The following TRAF3IP1 variants were observed in gnomAD, a reference collection of about 807,000 sequenced individuals.
TRAF3IP1 encodes the protein TRAF3-interacting protein 1.
A neutral mutation model predicts 89.9 loss-of-function variants in TRAF3IP1; 53 were observed. The ratio of observed to expected loss-of-function variants is 0.59; its 90% CI spans 0.47 to 0.74. TRAF3IP1 has a LOEUF of 0.74. TRAF3IP1 is among the 30% of genes least tolerant of loss of function. The probability of loss-of-function intolerance (pLI) is 0.00; values close to 1 mark genes in which losing one functional copy is unlikely to be tolerated. For missense variants in TRAF3IP1, 806 were observed against 866.1 expected, an observed-to-expected ratio of 0.93 and a Z score of 0.87; for synonymous variants, 311 against 322.1, an observed-to-expected ratio of 0.97 and a Z score of 0.37.
intron 15 of TRAF3IP1, among the ~76,000 whole-genome samples, chr2:238,380,039 GA>G (rs2106362838): frequency 6.6e-6 from 1 of 152,302 alleles, no homozygotes; most frequent in African/African-American, 2.4e-5. Context: ...CTAAAATGTA[GA>G]GAAAGTGAAC....
chr2:238,345,997 T>C lies in TRAF3IP1; in HGVS notation c.1261+1399T>C, dbSNP rs1287422860. Among the ~76,000 whole-genome samples the C allele has an allele frequency of 6.6e-6, 1 of 152,132 alleles. No homozygotes were observed. Among genetic ancestry groups the C allele is most frequent in the East Asian group, 1.9e-4 (1 of 5,188 alleles). ...TTCCTTCTGGGTATCGGCCTTGTGG[T>C]TGAATAACTGCACCTCTCAGGCACC... On this transcript the variant is annotated intron_variant, in intron 9 of 16. Transcript: ENST00000373327. This position sits in a 1 kb window ranked among gnomAD's most constrained non-coding sequence, Gnocchi z 4.7.
At chr2:238,332,551 T>G (rs1456963071) in intron 5 of TRAF3IP1, among the ~76,000 whole-genome samples, 1 of 152,148 alleles carries the variant, frequency 6.6e-6, no homozygotes, top group Non-Finnish European at 1.5e-5. Context: ...ATTCGTGTTC[T>G]GTGTAGCTTC....
chr2:238,332,441 C>T (rs980612024), intron 5 of TRAF3IP1, among the ~76,000 whole-genome samples: 7 of 152,194 alleles, frequency 4.6e-5, no homozygotes, highest in Non-Finnish European at 8.8e-5. Flanking sequence ...AGCAGTTTCT[C>T]CGTGGGTGTT....
rs977328535 is a variant in TRAF3IP1, at chr2:238,351,771, C to T, written c.1452-1056C>T. On this transcript the variant is annotated intron_variant, in intron 12 of 16. Transcript: ENST00000373327. The surrounding 1 kb of genome is among the most constrained non-coding windows in gnomAD (Gnocchi z 5.2). The stretch of plus-strand genomic sequence containing the variant: ...GGCAATGGGTGTTATTTTCAGAGGT[C>T]GTTCCCAAGTGTCTACATTCCCTCT... Among the ~76,000 whole-genome samples the T allele has an allele frequency of 1.3e-5, 2 of 151,998 alleles. No homozygotes were observed. The highest frequency in any genetic ancestry group is 6.5e-5 in the Admixed American group (1 of 15,292).
In TRAF3IP1 at chr2:238,374,150, G is replaced by A. The variant is rs574280786; in HGVS notation, c.1689+18070G>A. 7.9e-5 allele frequency among the ~76,000 whole-genome samples: 12 copies of A among 152,156 alleles called. No homozygotes were observed. In the South Asian group the frequency reaches 1.7e-3, roughly 21 times the overall value. ...TTTCTCTTGCCTGATTGCCCTGGCC[G>A]GAACTTCCAACACTGTGTTGAATAG... On this transcript the variant is annotated intron_variant, in intron 15 of 16. Coordinates refer to ENST00000373327, the MANE Select transcript of TRAF3IP1 (RefSeq NM_015650.4).
At chr2:238,378,443 A>G (rs1294351718) in intron 15 of TRAF3IP1, among the ~76,000 whole-genome samples, 1 of 152,246 alleles carries the variant, frequency 6.6e-6, no homozygotes, top group Non-Finnish European at 1.5e-5. Flanking sequence ...GCAGCTGTTG[A>G]GATGTTCCTA....
intron 15 of TRAF3IP1, among the ~76,000 whole-genome samples, chr2:238,396,926 C>A (rs1373435225): frequency 6.6e-6 from 1 of 152,204 alleles, no homozygotes; most frequent in Non-Finnish European, 1.5e-5. Flanking sequence ...CCTGCACATT[C>A]TCCATGCCCT....
chr2:238,399,506 C>G lies in TRAF3IP1; in HGVS notation c.*587C>G, dbSNP rs1701380306. On this transcript the variant is annotated 3_prime_UTR_variant, in exon 17 of 17. Transcript: ENST00000373327. ...GACCTCTTTGTAATTGCATGTACTT[C>G]TCTATGTAATTTTCCTCTTGATCTC... The G allele has an allele frequency of 6.6e-6, 1 of 152,024 alleles. No individual in the cohort carries two copies. The highest frequency in any genetic ancestry group is 6.6e-5 in the Admixed American group (1 of 15,254). The allele number at this position is 152,024 out of a possible 1,614,324, so 9.4% of individuals were successfully genotyped here.
At chr2:238,391,884 T>A (rs1701007814) in intron 15 of TRAF3IP1, among the ~76,000 whole-genome samples, 1 of 152,234 alleles carries the variant, frequency 6.6e-6, no homozygotes, top group Non-Finnish European at 1.5e-5. Context: ...TAATAGAAGT[T>A]TGAATTTCTT....
chr2:238,387,610 G>A (rs773421255), intron 15 of TRAF3IP1, among the ~76,000 whole-genome samples: 3 of 152,048 alleles, frequency 2.0e-5, no homozygotes, highest in Non-Finnish European at 4.4e-5. Flanking sequence ...ATCTCTATTG[G>A]GACATATATA....
Position 238,400,799 on chromosome 2 carries a change from G to C in TRAF3IP1, c.*1880G>C, listed in dbSNP as rs1386590696. 1 of 152,178 alleles carries C rather than the reference G, an allele frequency of 6.6e-6. No individual in the cohort carries two copies. The highest frequency in any genetic ancestry group is 2.4e-5 in the African/African-American group (1 of 41,456). The allele number at this position is 152,178 out of a possible 1,614,324, so 9.4% of individuals were successfully genotyped here. A position where few individuals can be genotyped will look rare whatever the true frequency, so the allele number is the denominator to read the frequency against. ...TTGCCAAAAATTGCATACATTGTAT[G>C]TAAGTAAAATTTTTTATGAAGTAGT... On this transcript the variant is annotated 3_prime_UTR_variant, in exon 17 of 17. Coordinates refer to ENST00000373327, the MANE Select transcript of TRAF3IP1 (RefSeq NM_015650.4).
chr2:238,385,723 C>T (rs1327469951), intron 15 of TRAF3IP1, among the ~76,000 whole-genome samples: 3 of 152,196 alleles, frequency 2.0e-5, no homozygotes, highest in Non-Finnish European at 4.4e-5. Flanking sequence ...TCAAACCCAC[C>T]TCTGGTGATG....
chr2:238,323,081 AT>A (rs35469985), intron 1 of TRAF3IP1, among the ~76,000 whole-genome samples: 170 of 147,542 alleles, frequency 1.2e-3, no homozygotes, highest in Non-Finnish European at 1.3e-3. Context: ...ATTGTTCACA[AT>A]TTTTTTTTTT....
chr2:238,339,325 T>A lies in TRAF3IP1; in HGVS notation c.1159+868T>A, dbSNP rs150686537. Among the ~76,000 whole-genome samples the A allele has an allele frequency of 1.8e-3, 281 of 152,266 alleles. 3 individuals carry two copies. Among genetic ancestry groups the A allele is most frequent in the African/African-American group, 6.5e-3 (271 of 41,558 alleles). ...TAGCATGGGATGGCGGAGGAAAAGG[T>A]GACTGAGCTGGAGCAGGGTGTTTCC... On this transcript the variant is annotated intron_variant, in intron 8 of 16. Transcript: ENST00000373327.
chr2:238,327,748 G>A (rs1160334269), intron 3 of TRAF3IP1, among the ~76,000 whole-genome samples: 1 of 151,750 alleles, frequency 6.6e-6, no homozygotes, highest in Non-Finnish European at 1.5e-5. Context: ...CTCTTCTCCC[G>A]TACCCCAGCC....
intron 15 of TRAF3IP1, among the ~76,000 whole-genome samples, chr2:238,366,431 G>A (rs1175258824): frequency 6.6e-6 from 1 of 151,772 alleles, no homozygotes; most frequent in Non-Finnish European, 1.5e-5. Context: ...TAAAATATGA[G>A]TTCTTTACCT....
At chr2:238,378,142 T>C (rs990181892) in intron 15 of TRAF3IP1, among the ~76,000 whole-genome samples, 2 of 152,154 alleles carry the variant, frequency 1.3e-5, no homozygotes, top group Admixed American at 6.5e-5. Context: ...TTGGCTTTGT[T>C]GTTCTCTTTT....
At chr2:238,361,381 T>A (rs1458486347) in intron 15 of TRAF3IP1, among the ~76,000 whole-genome samples, 2 of 152,194 alleles carry the variant, frequency 1.3e-5, no homozygotes, top group African/African-American at 4.8e-5. Flanking sequence ...TATACATTAT[T>A]TATTTTTTTT....
intron 1 of TRAF3IP1, among the ~76,000 whole-genome samples, chr2:238,322,834 C>T (rs1697625099): frequency 6.6e-6 from 1 of 151,780 alleles, no homozygotes; most frequent in Admixed American, 6.6e-5. Context: ...GTTGATTTCT[C>T]TCCCTGTGTA....
Sources: allele counts gnomAD v4.1 joint callset (sites outside exome capture counted in the v4.1 genomes callset), GRCh38; gene constraint gnomAD v4.1.1; non-coding constraint Gnocchi (gnomAD v3.1); transcripts MANE v1.5; gene names NCBI Gene and HGNC (gene_info 2026-07-23, HGNC 2026-07-21).